FCN2: variants seen among roughly 807,000 people sequenced by gnomAD.
FCN2 encodes the protein ficolin 2.
In FCN2, 31 loss-of-function variants were observed where a neutral mutation model predicts 32.5. The ratio of observed to expected loss-of-function variants is 0.96; its 90% CI spans 0.72 to 1.29. The LOEUF is 1.29. FCN2 is among the 50% of genes most tolerant of loss of function. The probability of loss-of-function intolerance (pLI) is 0.00; values close to 1 mark genes in which losing one functional copy is unlikely to be tolerated. For synonymous variants in FCN2, 181 were observed against 164.5 expected, an observed-to-expected ratio of 1.10 and a Z score of -0.77; for missense variants, 412 against 406.5, an observed-to-expected ratio of 1.01 and a Z score of -0.12.
rs1254876417 is a variant in FCN2 at position 134,887,248 on chromosome 9, G to C, written c.775G>C (p.Val259Leu). 1 of 1,614,236 alleles carries C rather than the reference G, an allele frequency of 6.2e-7. No homozygotes were observed. The stretch of plus-strand genomic sequence containing the variant: ...TGATCTTAACACCGGAAATTGTGCT[G>C]TGATGTTTCAGGGAGCTTGGTGGTA... ...DNDLNTGNCAVMFQGAWWYKN... is the reference protein window; with the variant it reads ...DNDLNTGNCALMFQGAWWYKN... The change falls in exon 8 of 8, where the codon GTG (valine) becomes CTG (leucine). Residue 259 changes from valine to leucine, a missense_variant. Physicochemically the swap from Val to Leu is conservative, Grantham distance 32. Transcript: ENST00000291744.
intron 3 of FCN2, 143 bp downstream of exon 3, chr9:134,883,498 C>T (rs1830697053): frequency 4.0e-6 from 3 of 756,618 alleles, no homozygotes; most frequent in South Asian, 1.5e-5. Flanking sequence ...GGGGCTTAGT[C>T]CAGGGCAGGG....
the FCN2 span, among the ~76,000 whole-genome samples, chr9:134,875,235 G>A: frequency 6.6e-6 from 1 of 152,050 alleles, no homozygotes; most frequent in African/African-American, 2.4e-5. Context: ...GAAATGGTGG[G>A]AGTGGACACC....
Position 134,885,777 on chromosome 9 carries a change from C to A in FCN2, c.439C>A (p.Arg147=). ...TDGGGWTVFQ[R]RVDGSVDFYR... ...CCTGGCTTCTCCACAGGTTTTCCAG[C>A]GGAGGGTGGATGGCTCTGTGGACTT... The change falls in exon 6 of 8, where the codon CGG becomes AGG. Residue 147 remains arginine, a synonymous_variant. Transcript: ENST00000291744. 1 of 1,613,986 alleles carries A rather than the reference C, an allele frequency of 6.2e-7. No individual in the cohort carries two copies. The highest frequency in any genetic ancestry group is 8.5e-7 in the Non-Finnish European group (1 of 1,179,952).
intron 7 of FCN2, among the ~76,000 whole-genome samples, chr9:134,886,870 C>T (rs1480249568): frequency 2.6e-5 from 4 of 152,142 alleles, no homozygotes; most frequent in Non-Finnish European, 4.4e-5. Flanking sequence ...AAGGGGTCTG[C>T]CATGATGGAA....
upstream of FCN2, among the ~76,000 whole-genome samples, chr9:134,875,933 T>G (rs1174593248): frequency 6.6e-6 from 1 of 152,258 alleles, no homozygotes; most frequent in Non-Finnish European, 1.5e-5. Flanking sequence ...TGGTAATTTG[T>G]TACACAATGA....
chr9:134,873,066 G>A, the FCN2 span, among the ~76,000 whole-genome samples: 3 of 151,608 alleles, frequency 2.0e-5, no homozygotes, highest in Admixed American at 1.3e-4. Flanking sequence ...TGCTATATCC[G>A]CACATCTTCT....
chr9:134,867,409 A>G, the FCN2 span, among the ~76,000 whole-genome samples: 10 of 149,212 alleles, frequency 6.7e-5, no homozygotes, highest in African/African-American at 2.5e-4. Context: ...CAAACACCGC[A>G]TATTCTCACT....
chr9:134,871,946 G>A, the FCN2 span, among the ~76,000 whole-genome samples: 5 of 28,720 alleles, frequency 1.7e-4, no homozygotes, highest in African/African-American at 4.3e-4. Flanking sequence ...ACCCCCACCC[G>A]GCCCCACTTA....
chr9:134,875,481 C>A, the FCN2 span, among the ~76,000 whole-genome samples: 5 of 152,170 alleles, frequency 3.3e-5, no homozygotes, highest in Admixed American at 6.5e-5. Flanking sequence ...ACCAAGAGTA[C>A]AGCAAAGAGG....
chr9:134,886,568 A>G lies in FCN2; in HGVS notation c.694+4A>G. The G allele has an allele frequency of 6.2e-7, 1 of 1,613,774 alleles. No homozygotes were observed. The highest frequency in any genetic ancestry group is 1.7e-5 in the Admixed American group (1 of 59,992). On this transcript the variant is annotated splice_donor_region_variant and intron_variant, in intron 7 of 7. Transcript: ENST00000291744. ...GCCTTCGTGGAGGGCAGTGCGGGTGAGTGTCTGCTTGGGGCTGTGTGGCCT... is the reference window on the plus strand; with the variant it reads ...GCCTTCGTGGAGGGCAGTGCGGGTGGGTGTCTGCTTGGGGCTGTGTGGCCT...
chr9:134,885,977 C>A, intron 6 of FCN2, 80 bp downstream of exon 6: 2 of 1,439,448 alleles, frequency 1.4e-6, no homozygotes, highest in Non-Finnish European at 1.9e-6. Context: ...CTGCCTGGAA[C>A]ACAAGAGCCT....
chr9:134,882,483 C>G (rs760964201), intron 1 of FCN2, 43 bp from the exon 2 acceptor site: 3 of 1,510,750 alleles, frequency 2.0e-6, no homozygotes, highest in Non-Finnish European at 2.8e-6. Context: ...GTGGAGTCTT[C>G]AGGCCCAGGT....
chr9:134,872,564 G>A, the FCN2 span, among the ~76,000 whole-genome samples: 1 of 152,172 alleles, frequency 6.6e-6, no homozygotes, highest in Non-Finnish European at 1.5e-5. Flanking sequence ...CACGTGGCTG[G>A]GGAGGCCTCA....
At chr9:134,879,459 T>C (rs1457233168), upstream of FCN2, among the ~76,000 whole-genome samples, 1 of 152,186 alleles carries the variant, frequency 6.6e-6, no homozygotes, top group African/African-American at 2.4e-5. Context: ...TTTTGGCTGC[T>C]GGGGTTTCAC....
intron 1 of FCN2, among the ~76,000 whole-genome samples, chr9:134,881,509 C>A (rs1381232456): frequency 6.6e-6 from 1 of 152,176 alleles, no homozygotes; most frequent in Admixed American, 6.5e-5. Flanking sequence ...AAACCATGGG[C>A]TCCGGCGCAT....
rs751796879 is a variant in FCN2 at position 134,886,573 on chromosome 9, C to T, written c.694+9C>T. The stretch of plus-strand genomic sequence containing the variant: ...CGTGGAGGGCAGTGCGGGTGAGTGT[C>T]TGCTTGGGGCTGTGTGGCCTGGGCT... On this transcript the variant is annotated intron_variant, in intron 7 of 7. Transcript: ENST00000291744. 4 of 1,613,626 alleles carry T rather than the reference C, an allele frequency of 2.5e-6. No individual in the cohort carries two copies. The South Asian group carries it at 4.4e-5, about 18-fold the overall frequency.
the FCN2 span, among the ~76,000 whole-genome samples, chr9:134,867,029 T>G: frequency 5.3e-5 from 6 of 112,726 alleles, no homozygotes; most frequent in East Asian, 1.5e-3. Flanking sequence ...GGAACACTTT[T>G]ACACTGTTGG....
intron 4 of FCN2, 134 bp downstream of exon 4, chr9:134,884,906 G>A (rs1000959316): frequency 2.0e-5 from 17 of 861,832 alleles, no homozygotes; most frequent in Non-Finnish European, 3.3e-5. Flanking sequence ...CCGTTTCCTT[G>A]TCCCCTAATT....
the FCN2 span, among the ~76,000 whole-genome samples, chr9:134,871,858 A>G: frequency 6.6e-6 from 1 of 152,158 alleles, no homozygotes; most frequent in African/African-American, 2.4e-5. Context: ...CAGAGGATGC[A>G]CCCGTGAAAC....
Sources: gnomAD v4.1 joint callset for allele counts (sites outside exome capture counted in the v4.1 genomes callset) on GRCh38, gnomAD v4.1.1 for gene constraint, MANE v1.5 for transcripts, NCBI Gene and HGNC (gene_info 2026-07-23, HGNC 2026-07-21) for gene names.